Variants in AGO3 observed in about 807,000 individuals in gnomAD.
AGO3 encodes argonaute RISC catalytic component 3.
In AGO3, 16 loss-of-function variants were observed where a neutral mutation model predicts 105.5. That is an observed-to-expected ratio of 0.15 (90% CI 0.10 to 0.23). The LOEUF is 0.23. AGO3 is among the 10% of genes least tolerant of loss of function. The pLI, the probability that AGO3 is intolerant of heterozygous loss-of-function variation, is 1.00. For synonymous variants in AGO3, 340 were observed against 367.3 expected (o/e 0.93, Z 0.85); for missense variants, 534 against 1,088.0 (o/e 0.49, Z 7.16).
At chr1:36,010,027 C>T (rs993712796) in intron 9 of AGO3, among the ~76,000 whole-genome samples, 2 of 149,076 alleles carry the variant, frequency 1.3e-5, no homozygotes, top group African/African-American at 5.0e-5. Flanking sequence ...CAAGCTCTGC[C>T]TCCCAGGTTC....
At chr1:35,931,080 G>A (rs1646033699), upstream of AGO3, 2 of 390,788 alleles carry the variant, frequency 5.1e-6, no homozygotes, top group African/African-American at 2.1e-5. Context: ...ACTGACGCCG[G>A]CGAGCTTCCG....
intron 2 of AGO3, among the ~76,000 whole-genome samples, chr1:35,965,627 A>G (rs1386787127): frequency 1.3e-5 from 2 of 151,996 alleles, no homozygotes; most frequent in Non-Finnish European, 2.9e-5. Flanking sequence ...TTTTTGTTGT[A>G]AAATTTACTC....
chr1:36,007,151 A>G (rs2148812318), intron 6 of AGO3, among the ~76,000 whole-genome samples: 1 of 152,362 alleles, frequency 6.6e-6, no homozygotes, highest in South Asian at 2.1e-4. Context: ...TGGGGGACAG[A>G]TTGCCCTCTG....
chr1:36,010,073 G>T (rs556184201), intron 9 of AGO3, among the ~76,000 whole-genome samples: 10 of 151,408 alleles, frequency 6.6e-5, no homozygotes, highest in Middle Eastern at 3.4e-3. Context: ...CCAGCAGCTG[G>T]GACTACAGGC....
chr1:36,027,999 C>G lies in AGO3; in HGVS notation c.1591+701C>G, dbSNP rs541087956. Among the ~76,000 whole-genome samples, 3 of 152,146 alleles carry G rather than the reference C, an allele frequency of 2.0e-5. No individual in the cohort carries two copies. Among genetic ancestry groups the G allele is most frequent in the Admixed American group, 1.3e-4 (2 of 15,268 alleles). ...GCTGAATTACTTAATCACACTAGCCCTTAGTTTCCTCATCTCTGGAATTGG... is the reference window on the plus strand; with the variant it reads ...GCTGAATTACTTAATCACACTAGCCGTTAGTTTCCTCATCTCTGGAATTGG... On this transcript the variant is annotated intron_variant, in intron 12 of 18. Coordinates refer to ENST00000373191, the MANE Select transcript of AGO3 (RefSeq NM_024852.4). The surrounding 1 kb of genome is among the most constrained non-coding windows in gnomAD (Gnocchi z 4.0).
chr1:36,018,717 C>G lies in AGO3; in HGVS notation c.1406+4669C>G, dbSNP rs374360875. Among the ~76,000 whole-genome samples, 281 of 152,306 alleles carry G rather than the reference C, an allele frequency of 1.8e-3. 7 individuals are homozygous for G. The South Asian group carries it at 0.055, about 30-fold the overall frequency. ...AAGTGCTGGGATTACAGGCATGAGCCACCACACCTGGCCAATATGAGGTTT... is the reference window on the plus strand; with the variant it reads ...AAGTGCTGGGATTACAGGCATGAGCGACCACACCTGGCCAATATGAGGTTT... On this transcript the variant is annotated intron_variant, in intron 11 of 18. Coordinates refer to ENST00000373191, the MANE Select transcript of AGO3 (RefSeq NM_024852.4).
At chr1:35,980,905 A>G (rs886568500) in intron 5 of AGO3, among the ~76,000 whole-genome samples, 9 of 152,248 alleles carry the variant, frequency 5.9e-5, no homozygotes, top group African/African-American at 1.7e-4. Context: ...TCTATCCTAC[A>G]TGCTTCTTAC....
At position 36,043,515 on chromosome 1, in the gene AGO3, C is replaced by T. The variant is rs145947091; in HGVS notation, c.2241C>T (p.Phe747=). 829 of 1,613,432 alleles carry T rather than the reference C, an allele frequency of 5.1e-4. 1 individual carries two copies. Among genetic ancestry groups the T allele is most frequent in the African/African-American group, 3.2e-3 (238 of 74,998 alleles). ...VDTDITHPYE[F]DFYLCSHAGI... The stretch of plus-strand genomic sequence containing the variant: ...CAGACATTACACACCCATATGAGTT[C>T]GATTTTTACCTCTGTAGCCATGCTG... The change falls in exon 17 of 19, where the codon TTC becomes TTT. Residue 747 remains phenylalanine, a synonymous_variant. Transcript: ENST00000373191.
intron 11 of AGO3, among the ~76,000 whole-genome samples, chr1:36,023,386 G>A (rs1167449572): frequency 6.6e-6 from 1 of 152,154 alleles, no homozygotes; most frequent in African/African-American, 2.4e-5. Context: ...AGAAAAACTA[G>A]ACAAATTAAA....
At chr1:35,997,897 A>G (rs1211253153) in intron 5 of AGO3, among the ~76,000 whole-genome samples, 4 of 152,124 alleles carry the variant, frequency 2.6e-5, no homozygotes, top group African/African-American at 9.7e-5. Flanking sequence ...GGGTTTCACC[A>G]TGTTGGCCAG....
intron 5 of AGO3, among the ~76,000 whole-genome samples, chr1:35,986,324 A>G (rs1460159111): frequency 6.6e-6 from 1 of 152,278 alleles, no homozygotes; most frequent in Non-Finnish European, 1.5e-5. Context: ...AAATAGTTAC[A>G]TAATATTGTG....
intron 1 of AGO3, among the ~76,000 whole-genome samples, chr1:35,940,079 T>C (rs946716924): frequency 6.6e-6 from 1 of 152,124 alleles, no homozygotes; most frequent in African/African-American, 2.4e-5. Flanking sequence ...AAATTTTTTT[T>C]TTTTTGAGAT....
Position 36,055,234 on chromosome 1 carries a change from C to T in AGO3, c.2474+89C>T. 7.3e-7 allele frequency: 1 copy of T among 1,375,648 alleles called. No homozygotes were observed. 85.2% of individuals were successfully genotyped at this position (1,375,648 alleles called of 1,614,324 possible). On this transcript the variant is annotated intron_variant, in intron 18 of 18. Coordinates refer to ENST00000373191, the MANE Select transcript of AGO3 (RefSeq NM_024852.4). The surrounding 1 kb of genome is among the most constrained non-coding windows in gnomAD (Gnocchi z 4.4). ...AAGTTCCACAAGCTATTAGCGGAGT[C>T]AGTGATCCATGTGAAAAATGATGAC...
chr1:35,981,900 A>T (rs1647059698), intron 5 of AGO3, among the ~76,000 whole-genome samples: 1 of 152,120 alleles, frequency 6.6e-6, no homozygotes, highest in South Asian at 2.1e-4. Flanking sequence ...TCATTCTCTC[A>T]TGCTCAGATG....
chr1:35,996,493 G>A lies in AGO3; in HGVS notation c.659-7848G>A, dbSNP rs151154763. Among the ~76,000 whole-genome samples, 1,280 of 151,600 alleles carry A rather than the reference G, an allele frequency of 8.4e-3. 28 individuals carry two copies. Among genetic ancestry groups the A allele is most frequent in the African/African-American group, 0.028 (1,152 of 41,314 alleles). On this transcript the variant is annotated intron_variant, in intron 5 of 18. Coordinates refer to ENST00000373191, the MANE Select transcript of AGO3 (RefSeq NM_024852.4). ...ACTTCACAAAAGAATATGTGTGGTC[G>A]GGCACAGTGGCTCACACCTGTAATC...
Position 36,063,231 on chromosome 1 carries a change from AG to A in AGO3, c.*7490del, listed in dbSNP as rs1180966214. On this transcript the variant is annotated 3_prime_UTR_variant, in exon 19 of 19. Transcript: ENST00000373191. ...TCTTTAGACAGATTTCTACATGTGG[AG>A]GGGAGGTGGGGCTTTCCTGTAAGTT... 1 of 152,120 alleles carries A rather than the reference AG, an allele frequency of 6.6e-6. No homozygotes were observed. The highest frequency in any genetic ancestry group is 1.5e-5 in the Non-Finnish European group (1 of 67,990). 9.4% of individuals were successfully genotyped at this position (152,120 alleles called of 1,614,324 possible).
chr1:36,042,716 G>A (rs1642301256), intron 16 of AGO3, among the ~76,000 whole-genome samples: 1 of 152,162 alleles, frequency 6.6e-6, no homozygotes. Flanking sequence ...TAAGGAGCTT[G>A]TATCATCAAG....
At chr1:35,945,623 C>T in intron 1 of AGO3, 69 bp from the exon 2 acceptor site, 4 of 1,489,492 alleles carry the variant, frequency 2.7e-6, no homozygotes. Flanking sequence ...TTCTAATATA[C>T]TCTGGTTGAC....
At position 36,034,252 on chromosome 1, in the gene AGO3, C is replaced by G; in HGVS notation, c.1670C>G (p.Ser557Cys). Reference sequence around the variant, plus strand: ...CAAGTCAAGAATGTAATAAAAACATCTCCTCAAACTCTGTCAAACTTGTGC... The same window carrying G: ...CAAGTCAAGAATGTAATAAAAACATGTCCTCAAACTCTGTCAAACTTGTGC... ...CVQVKNVIKT[S>C]PQTLSNLCLK... Residue 557 changes from serine to cysteine, a missense_variant, in exon 13 of 19, where the codon TCT (serine) becomes TGT (cysteine). Transcript: ENST00000373191. 1 of 1,610,748 alleles carries G rather than the reference C, an allele frequency of 6.2e-7. No individual in the cohort carries two copies. Among genetic ancestry groups the G allele is most frequent in the Non-Finnish European group, 8.5e-7 (1 of 1,178,494 alleles).
Sources: allele counts gnomAD v4.1 joint callset (sites outside exome capture counted in the v4.1 genomes callset), GRCh38; gene constraint gnomAD v4.1.1; non-coding constraint Gnocchi (gnomAD v3.1); transcripts MANE v1.5; gene names NCBI Gene and HGNC (gene_info 2026-07-23, HGNC 2026-07-21).